SH2D4B: variants seen among roughly 807,000 people sequenced by gnomAD.
SH2D4B encodes the protein SH2 domain containing 4B.
Under a neutral mutation model 61.5 loss-of-function variants are expected in SH2D4B, and 45 were observed. That is an observed-to-expected ratio of 0.73 (90% CI 0.58 to 0.94). The LOEUF (loss-of-function observed/expected upper bound fraction) is 0.94. Ranked by LOEUF, SH2D4B falls within the 40% of genes least tolerant of loss-of-function variation. The pLI is 0.00. For missense variants in SH2D4B, 572 were observed against 574.2 expected (o/e 1.00, Z 0.04); for synonymous variants, 224 against 220.4 (o/e 1.02, Z -0.14).
Position 80,603,702 on chromosome 10 carries a change from T to G in SH2D4B, c.767T>G (p.Phe256Cys). ...ACGGTCGCTGGCCTCAGCTCCATGT[T>G]CCGGGAGCTTGGCCAGAGCCATGAG... is the stretch of plus-strand genomic sequence containing the variant. ...KGTVAGLSSM[F>C]RELGQSHEQE... Residue 256 changes from phenylalanine (F) to cysteine (C), a missense_variant, in exon 5 of 8, where the codon TTC becomes TGC. Coordinates refer to ENST00000646907, the MANE Select transcript of SH2D4B (RefSeq NM_001388272.1). 6.2e-7 allele frequency: 1 copy of G among 1,613,460 alleles called. No homozygotes were observed. Among genetic ancestry groups the G allele is most frequent in the Non-Finnish European group, 8.5e-7 (1 of 1,179,876 alleles).
At position 80,644,576 on chromosome 10, in the gene SH2D4B, G is replaced by A. The variant is rs1840364818; in HGVS notation, c.*491G>A. ...CATGGCAATAATAGAAGATTATGAA[G>A]GATTTCTATGGAGGACATAAATGCT... is the stretch of plus-strand genomic sequence containing the variant. On this transcript the variant is annotated 3_prime_UTR_variant, in exon 8 of 8. Transcript: ENST00000646907. 1 of 152,456 alleles carries A rather than the reference G, an allele frequency of 6.6e-6. No individual in the cohort carries two copies. 9.4% of individuals were successfully genotyped at this position (152,456 alleles called of 1,614,324 possible). A position where few individuals can be genotyped will look rare whatever the true frequency, so the allele number is the denominator to read the frequency against.
chr10:80,605,869 A>G (rs946413876), intron 5 of SH2D4B, among the ~76,000 whole-genome samples: 1 of 152,128 alleles, frequency 6.6e-6, no homozygotes, highest in African/African-American at 2.4e-5. Flanking sequence ...CCATCTCCTC[A>G]TCTATGCTTT....
intron 6 of SH2D4B, among the ~76,000 whole-genome samples, chr10:80,625,612 G>A (rs947216165): frequency 5.0e-5 from 7 of 139,808 alleles, no homozygotes; most frequent in East Asian, 4.1e-4. Flanking sequence ...TTACTCTGTC[G>A]CCCAGGCTGG....
Position 80,579,372 on chromosome 10 carries a change from AT to A in SH2D4B, c.495+7797del, listed in dbSNP as rs139514466. ...CTGTGGCTGGTGCCATTTGAATGTAATTTACATGCATATAAAAGTGTTCCTT... is the reference window on the plus strand; with the variant it reads ...CTGTGGCTGGTGCCATTTGAATGTAATTACATGCATATAAAAGTGTTCCTT... On this transcript the variant is annotated intron_variant, in intron 3 of 7. Coordinates refer to ENST00000646907, the MANE Select transcript of SH2D4B (RefSeq NM_001388272.1). Among the ~76,000 whole-genome samples, 578 of 152,296 alleles carry A rather than the reference AT, an allele frequency of 3.8e-3. 2 individuals carry two copies. The highest frequency in any genetic ancestry group is 7.0e-3 in the Non-Finnish European group (479 of 68,026).
At chr10:80,542,457 G>C (rs1024448131) in intron 1 of SH2D4B, among the ~76,000 whole-genome samples, 2 of 150,346 alleles carry the variant, frequency 1.3e-5, no homozygotes, top group Admixed American at 6.6e-5. Context: ...AAGTGCAGTG[G>C]TGTGATCTCG....
intron 6 of SH2D4B, among the ~76,000 whole-genome samples, chr10:80,627,138 G>A (rs1842774950): frequency 1.3e-5 from 2 of 152,186 alleles, no homozygotes; most frequent in South Asian, 2.1e-4. Flanking sequence ...TTCTGGGAGG[G>A]TAGGGGTCAG....
intron 7 of SH2D4B, among the ~76,000 whole-genome samples, chr10:80,640,389 A>G (rs1233387990): frequency 1.3e-5 from 2 of 152,184 alleles, no homozygotes; most frequent in Non-Finnish European, 2.9e-5. Flanking sequence ...GTGTTTTCCA[A>G]CTTGGTTCCA....
intron 4 of SH2D4B, among the ~76,000 whole-genome samples, chr10:80,600,074 G>A (rs536017025): frequency 1.1e-4 from 17 of 152,236 alleles, no homozygotes; most frequent in African/African-American, 3.4e-4. Flanking sequence ...TTCCAAGCCC[G>A]CCATGTACTG....
In SH2D4B at chr10:80,585,649, T is replaced by C. The variant is rs547769214; in HGVS notation, c.496-2981T>C. On this transcript the variant is annotated intron_variant, in intron 3 of 7. Coordinates refer to ENST00000646907, the MANE Select transcript of SH2D4B (RefSeq NM_001388272.1). ...GAGTCCTCTTACCTCTGCAGTAAGATGTGGAGTTTACACTTTGTTCCACGT... is the reference window on the plus strand; with the variant it reads ...GAGTCCTCTTACCTCTGCAGTAAGACGTGGAGTTTACACTTTGTTCCACGT... Among the ~76,000 whole-genome samples, 4 of 152,330 alleles carry C rather than the reference T, an allele frequency of 2.6e-5. No individual in the cohort carries two copies. The South Asian group carries it at 8.3e-4, about 32-fold the overall frequency.
chr10:80,586,202 C>T (rs183276942), intron 3 of SH2D4B, among the ~76,000 whole-genome samples: 5 of 152,290 alleles, frequency 3.3e-5, no homozygotes, highest in East Asian at 1.9e-4. Flanking sequence ...CGACGAGCGC[C>T]GCCCCCTGCT....
At chr10:80,546,682 C>G (rs1350843200) in intron 1 of SH2D4B, among the ~76,000 whole-genome samples, 1 of 152,138 alleles carries the variant, frequency 6.6e-6, no homozygotes, top group Admixed American at 6.5e-5. Context: ...CCCACCACCG[C>G]GCCCGGCTAA....
rs111408551 is a variant in SH2D4B, at chr10:80,614,350, C to T, written c.988+4799C>T. 7.2e-5 allele frequency among the ~76,000 whole-genome samples: 11 copies of T among 152,308 alleles called. 1 individual carries two copies. The highest frequency in any genetic ancestry group is 2.6e-4 in the African/African-American group (11 of 41,572). ...AGAGTGGGAGGAAGGTGGGTAGTGG[C>T]AGGTGCCACACACTTAACCAGATCT... is the stretch of plus-strand genomic sequence containing the variant. On this transcript the variant is annotated intron_variant, in intron 6 of 7. Coordinates refer to ENST00000646907, the MANE Select transcript of SH2D4B (RefSeq NM_001388272.1).
chr10:80,594,550 T>C (rs1842365443), intron 4 of SH2D4B, among the ~76,000 whole-genome samples: 1 of 152,248 alleles, frequency 6.6e-6, no homozygotes. Flanking sequence ...GATGAATTTG[T>C]AAAGAGGAAT....
At chr10:80,572,957 TA>T (rs1842068825) in intron 3 of SH2D4B, among the ~76,000 whole-genome samples, 22 of 6,226 alleles carry the variant, frequency 3.5e-3, no homozygotes, top group Non-Finnish European at 5.4e-3. Context: ...TATATATATA[TA>T]TATATATATA....
chr10:80,598,599 C>A (rs775235718), intron 4 of SH2D4B, among the ~76,000 whole-genome samples: 7 of 152,096 alleles, frequency 4.6e-5, no homozygotes, highest in South Asian at 2.1e-4. Context: ...TATGGGGGAG[C>A]AGCAGTTTTT....
chr10:80,630,162 A>G (rs1420955090), intron 6 of SH2D4B, among the ~76,000 whole-genome samples: 2 of 152,180 alleles, frequency 1.3e-5, no homozygotes, highest in Admixed American at 6.5e-5. Flanking sequence ...GCTCAGAGAA[A>G]AATCTTGGCC....
At position 80,609,476 on chromosome 10, in the gene SH2D4B, T is replaced by G. The variant is rs1301736160; in HGVS notation, c.913T>G (p.Trp305Gly). 3.7e-6 allele frequency: 6 copies of G among 1,614,210 alleles called. No individual in the cohort carries two copies. The highest frequency in any genetic ancestry group is 5.1e-6 in the Non-Finnish European group (6 of 1,180,028). The change falls in exon 6 of 8, where the codon TGG becomes GGG. Residue 305 changes from tryptophan to glycine, a missense_variant. Physicochemically the swap from Trp to Gly is radical, Grantham distance 184. Transcript: ENST00000646907. ...RPVSRDVIVR[W>G]FKEEQLPRRA... ...AGTCTCCAGAGATGTCATCGTCCGC[T>G]GGTTTAAGGAGGAGCAGCTGCCTCG...
chr10:80,570,280 C>T lies in SH2D4B; in HGVS notation c.311C>T (p.Ala104Val), dbSNP rs147451124. Residue 104 changes from alanine (A) to valine (V), a missense_variant, in exon 2 of 8, where the codon GCG becomes GTG. Transcript: ENST00000646907. ...EISEELIAER[A>V]RLQAQREAEE... ...TCTGAGGAGCTGATTGCAGAGAGGG[C>T]GCGGCTGCAGGCACAGAGGGAAGCT... is the stretch of plus-strand genomic sequence containing the variant. The T allele has an allele frequency of 1.3e-4, 215 of 1,613,400 alleles. No individual in the cohort carries two copies. Among genetic ancestry groups the T allele is most frequent in the Non-Finnish European group, 1.6e-4 (192 of 1,179,940 alleles).
At chr10:80,640,938 T>G (rs1226858844) in intron 7 of SH2D4B, among the ~76,000 whole-genome samples, 1 of 152,216 alleles carries the variant, frequency 6.6e-6, no homozygotes, top group African/African-American at 2.4e-5. Context: ...TTATCTACCT[T>G]TGGTTGCAAT....
Sources: allele counts gnomAD v4.1 joint callset (sites outside exome capture counted in the v4.1 genomes callset), GRCh38; gene constraint gnomAD v4.1.1; transcripts MANE v1.5; gene names NCBI Gene and HGNC (gene_info 2026-07-23, HGNC 2026-07-21).